PSME3IP1: variants seen among roughly 807,000 people sequenced by gnomAD.
The protein encoded by PSME3IP1 is PSME3-interacting protein.
A neutral mutation model predicts 34.1 loss-of-function variants in PSME3IP1; 13 were observed. The observed-to-expected ratio is 0.38, with a 90% CI of 0.25 to 0.61. The LOEUF (loss-of-function observed/expected upper bound fraction) is 0.61, where lower values mean the gene tolerates loss of function less well. PSME3IP1 is among the 20% of genes least tolerant of loss of function. The pLI is 0.60. For missense variants in PSME3IP1, 237 were observed against 301.4 expected (o/e 0.79, Z 1.58); for synonymous variants, 93 against 114.3 (o/e 0.81, Z 1.19).
rs1224625817 is a variant in PSME3IP1, at chr16:57,153,175, C to T, written c.*1115G>A. On this transcript the variant is annotated 3_prime_UTR_variant, in exon 7 of 7. Transcript: ENST00000309137. ...ATCTCCCTCTCCCTCCTCCAGAATC[C>T]AAGGGATGAGCCCGTTTCCCTTTAT... 6.6e-6 allele frequency: 1 copy of T among 152,512 alleles called. No individual in the cohort carries two copies. The highest frequency in any genetic ancestry group is 1.9e-4 in the East Asian group (1 of 5,202). 9.4% of individuals were successfully genotyped at this position (152,512 alleles called of 1,614,324 possible).
Position 57,173,822 on chromosome 16 carries a change from G to C in PSME3IP1, c.33C>G (p.Ile11Met). The C allele has an allele frequency of 6.2e-7, 1 of 1,613,554 alleles. No individual in the cohort carries two copies. The highest frequency in any genetic ancestry group is 8.5e-7 in the Non-Finnish European group (1 of 1,179,882). The part of the protein sequence containing the change: MDGGDDGNLI[I>M]KKRFVSEAEL... ...CTGCCTCAGACACAAACCTCTTTTTGATAATAAGGTTACCATCATCCCCTC... is the reference window on the plus strand; with the variant it reads ...CTGCCTCAGACACAAACCTCTTTTTCATAATAAGGTTACCATCATCCCCTC... Residue 11 changes from isoleucine to methionine, a missense_variant, in exon 2 of 7, where the codon ATC becomes ATG. Transcript: ENST00000309137.
intron 1 of PSME3IP1, 62 bp from the exon 2 acceptor site, chr16:57,173,931 A>G: frequency 6.0e-6 from 9 of 1,508,272 alleles, no homozygotes; most frequent in Non-Finnish European, 8.2e-6. Flanking sequence ...TTAAAATTCT[A>G]AAGAGAAACA....
intron 1 of PSME3IP1, among the ~76,000 whole-genome samples, chr16:57,184,927 C>A (rs1387230697): frequency 6.6e-6 from 1 of 152,198 alleles, no homozygotes; most frequent in Non-Finnish European, 1.5e-5. Context: ...TACTTTGTAT[C>A]AAAAAGGAGT....
At chr16:57,177,656 GA>G (rs2073315511) in intron 1 of PSME3IP1, among the ~76,000 whole-genome samples, 3 of 152,120 alleles carry the variant, frequency 2.0e-5, no homozygotes, top group African/African-American at 7.2e-5. Context: ...TTGGTGTCCT[GA>G]AAACACAGTC....
At chr16:57,171,462 A>C (rs1333851995) in intron 4 of PSME3IP1, among the ~76,000 whole-genome samples, 1 of 152,250 alleles carries the variant, frequency 6.6e-6, no homozygotes, top group Non-Finnish European at 1.5e-5. Context: ...ATGGTTTTTA[A>C]AGTTCCCTTT....
rs1292328850 is a variant in PSME3IP1, at chr16:57,156,423, G to A, written c.548-1916C>T. Among the ~76,000 whole-genome samples, 5 of 152,168 alleles carry A rather than the reference G, an allele frequency of 3.3e-5. No individual in the cohort carries two copies. The East Asian group carries it at 7.7e-4, about 23-fold the overall frequency. On this transcript the variant is annotated intron_variant, in intron 6 of 6. Transcript: ENST00000309137. Reference sequence around the variant, plus strand: ...CACAGTTCCAAGTATAGGAAACCAGGAGTAAGCAAACAATACCACTGAGCA... The same window carrying A: ...CACAGTTCCAAGTATAGGAAACCAGAAGTAAGCAAACAATACCACTGAGCA...
At chr16:57,180,754 A>T (rs914179274) in intron 1 of PSME3IP1, among the ~76,000 whole-genome samples, 21 of 152,114 alleles carry the variant, frequency 1.4e-4, no homozygotes, top group African/African-American at 5.1e-4. Context: ...AAACAAACAA[A>T]CAAACAAACA....
intron 6 of PSME3IP1, among the ~76,000 whole-genome samples, chr16:57,162,672 A>C (rs2071399126): frequency 6.6e-6 from 1 of 152,034 alleles, no homozygotes; most frequent in South Asian, 2.1e-4. Context: ...CTCAAAAAAA[A>C]AAAAAAAAAA....
chr16:57,182,604 CAACT>C (rs1251720880), intron 1 of PSME3IP1, among the ~76,000 whole-genome samples: 1 of 137,312 alleles, frequency 7.3e-6, no homozygotes, highest in Non-Finnish European at 1.5e-5. Context: ...CAGACAAGGC[CAACT>C]AAGATTTTTT....
chr16:57,154,238 G>C lies in PSME3IP1; in HGVS notation c.*52C>G. On this transcript the variant is annotated 3_prime_UTR_variant, in exon 7 of 7. Transcript: ENST00000309137. This position sits in a 1 kb window ranked among gnomAD's most constrained non-coding sequence, Gnocchi z 4.0. ...GGGACATAATGCCTATAGGCAGCAT[G>C]AACGGTCCGATCTACCCTTGGGGAG... The C allele has an allele frequency of 1.3e-6, 2 of 1,533,456 alleles. No homozygotes were observed. The highest frequency in any genetic ancestry group is 1.8e-6 in the Non-Finnish European group (2 of 1,109,028). 95.0% of individuals were successfully genotyped at this position (1,533,456 alleles called of 1,614,324 possible).
In PSME3IP1 at chr16:57,172,316, G is replaced by A. The variant is rs375518314; in HGVS notation, c.283C>T (p.Arg95Ter). The A allele has an allele frequency of 7.4e-6, 12 of 1,613,606 alleles. No homozygotes were observed. The highest frequency in any genetic ancestry group is 1.1e-5 in the South Asian group (1 of 91,080). ...DETNFLDEVS[R>*]QQELIEKQRR... ...TGCTTTTCTATTAGTTCCTGCTGTC[G>A]AGAAACCTCATCAAGGAAGTTGGTC... Residue 95 changes from arginine to a stop codon, truncating the protein, a stop_gained, in exon 4 of 7, where the codon CGA (arginine) becomes TGA (stop). Coordinates refer to ENST00000309137, the MANE Select transcript of PSME3IP1 (RefSeq NM_024946.4). LOFTEE classifies it high-confidence loss of function.
At chr16:57,156,780 G>A (rs1436616310) in intron 6 of PSME3IP1, among the ~76,000 whole-genome samples, 7 of 152,138 alleles carry the variant, frequency 4.6e-5, no homozygotes, top group African/African-American at 1.4e-4. Flanking sequence ...AGAAACAGAT[G>A]AATTTTAAAC....
intron 5 of PSME3IP1, 23 bp from the exon 6 acceptor site, chr16:57,164,088 T>C: frequency 6.2e-7 from 1 of 1,610,242 alleles, no homozygotes; most frequent in Non-Finnish European, 8.5e-7. Flanking sequence ...ACATGGTGAC[T>C]TGAGCCATGT....
chr16:57,164,145 A>C, intron 5 of PSME3IP1, 80 bp from the exon 6 acceptor site: 1 of 1,225,116 alleles, frequency 8.2e-7, no homozygotes, highest in Non-Finnish European at 1.2e-6. Context: ...TCCAATAACT[A>C]TTTATATGGG....
At position 57,184,356 on chromosome 16, in the gene PSME3IP1, A is replaced by C. The variant is rs560656200; in HGVS notation, c.-16+1465T>G. Among the ~76,000 whole-genome samples, 1,381 of 152,346 alleles carry C rather than the reference A, an allele frequency of 9.1e-3. 10 individuals carry two copies. Among genetic ancestry groups the C allele is most frequent in the Middle Eastern group, 0.024 (7 of 294 alleles). ...CACAGATTCAAGAAGTCTAATAAAT[A>C]CCAAACAAATTGAACAAAAACAAAC... On this transcript the variant is annotated intron_variant, in intron 1 of 6. Transcript: ENST00000309137.
At chr16:57,155,051 G>A (rs1044945371) in intron 6 of PSME3IP1, among the ~76,000 whole-genome samples, 13 of 152,222 alleles carry the variant, frequency 8.5e-5, no homozygotes, top group African/African-American at 2.7e-4. Context: ...AAAAAATCGG[G>A]TAGCCCCCTG....
intron 4 of PSME3IP1, among the ~76,000 whole-genome samples, chr16:57,171,759 T>G (rs1397596946): frequency 6.6e-6 from 1 of 152,190 alleles, no homozygotes; most frequent in East Asian, 1.9e-4. Flanking sequence ...TCAGCCAAGT[T>G]TCATTTGGGA....
chr16:57,159,579 T>C (rs1389255054), intron 6 of PSME3IP1, among the ~76,000 whole-genome samples: 2 of 152,170 alleles, frequency 1.3e-5, no homozygotes, highest in Admixed American at 6.6e-5. Flanking sequence ...CTCCCACTGC[T>C]AAGGACAGGG....
Position 57,152,781 on chromosome 16 carries a change from C to A in PSME3IP1, c.*1509G>T, listed in dbSNP as rs1231193183. 1.3e-5 allele frequency: 2 copies of A among 152,664 alleles called. No individual in the cohort carries two copies. The highest frequency in any genetic ancestry group is 2.9e-5 in the Non-Finnish European group (2 of 68,046). 9.5% of individuals were successfully genotyped at this position (152,664 alleles called of 1,614,324 possible). ...AGCTGATGCGCCCATACTGGCAGAA[C>A]AATTAGCACAGAGTAGTTCTGAAAA... On this transcript the variant is annotated 3_prime_UTR_variant, in exon 7 of 7. Coordinates refer to ENST00000309137, the MANE Select transcript of PSME3IP1 (RefSeq NM_024946.4).
Sources: allele counts gnomAD v4.1 joint callset (sites outside exome capture counted in the v4.1 genomes callset), GRCh38; gene constraint gnomAD v4.1.1; non-coding constraint Gnocchi (gnomAD v3.1); transcripts MANE v1.5; gene names NCBI Gene and HGNC (gene_info 2026-07-23, HGNC 2026-07-21).